The following ZNF277 variants were observed in gnomAD, a reference collection of about 807,000 sequenced individuals.
The protein encoded by ZNF277 is zinc finger protein 277, also known as nuclear receptor-interacting factor 4.
In ZNF277, 55 loss-of-function variants were observed where a neutral mutation model predicts 60.7. The observed-to-expected ratio is 0.91, with a 90% confidence interval of 0.73 to 1.13. The LOEUF is 1.13. Ranked by LOEUF, ZNF277 falls within the 50% of genes most tolerant of loss-of-function variation. The pLI is 0.00. For missense variants in ZNF277, 510 were observed against 523.0 expected (o/e 0.98, Z 0.24); for synonymous variants, 178 against 179.3 (o/e 0.99, Z 0.06).
At chr7:112,221,221 GCTGCTGGGTTCCACGGTT>G (rs1822021801) in intron 1 of ZNF277, among the ~76,000 whole-genome samples, 1 of 152,100 alleles carries the variant, frequency 6.6e-6, no homozygotes, top group African/African-American at 2.4e-5. Context: ...CTGAACACTA[GCTGCTGGGTTCCACGGTT>G]CTCTTCCATG....
intron 1 of ZNF277, among the ~76,000 whole-genome samples, chr7:112,208,696 T>A (rs1821649797): frequency 7.2e-6 from 1 of 139,704 alleles, no homozygotes; most frequent in African/African-American, 2.9e-5. Flanking sequence ...TTTTTTTTTT[T>A]TTGAGACGGA....
At chr7:112,333,061 A>C (rs1793257713) in intron 7 of ZNF277, among the ~76,000 whole-genome samples, 1 of 152,176 alleles carries the variant, frequency 6.6e-6, no homozygotes, top group Non-Finnish European at 1.5e-5. Flanking sequence ...CTCATTAAAG[A>C]ATAATATTTA....
chr7:112,339,935 C>T, intron 10 of ZNF277, 50 bp downstream of exon 10: 15 of 1,549,592 alleles, frequency 9.7e-6, no homozygotes, highest in Non-Finnish European at 1.3e-5. Flanking sequence ...TTTTTATAAA[C>T]CATCCTGTAA....
At chr7:112,246,342 C>T (rs1036094457) in intron 1 of ZNF277, among the ~76,000 whole-genome samples, 2 of 152,068 alleles carry the variant, frequency 1.3e-5, no homozygotes, top group African/African-American at 2.4e-5. Context: ...TGCAGTGAGC[C>T]GTGATCATGC....
Position 112,206,785 on chromosome 7 carries a change from A to G in ZNF277, c.69A>G (p.Thr23=). Residue 23 remains threonine, a synonymous_variant, in exon 1 of 12, where the codon ACA becomes ACG. Coordinates refer to ENST00000361822, the MANE Select transcript of ZNF277 (RefSeq NM_021994.3). Reference sequence around the variant, plus strand: ...AAGACCGTGATGGGAGCTGCAGCACAGTCGGGGGTGTAGGTTATGGGGGTG... The same window carrying G: ...AAGACCGTGATGGGAGCTGCAGCACGGTCGGGGGTGTAGGTTATGGGGGTG... ...MQEDRDGSCS[T]VGGVGYGDSK... is the part of the protein sequence containing the mutation. 1 of 1,613,336 alleles carries G rather than the reference A, an allele frequency of 6.2e-7. No individual in the cohort carries two copies. The highest frequency in any genetic ancestry group is 1.7e-5 in the Admixed American group (1 of 59,930).
chr7:112,289,607 G>A (rs1227937655), intron 2 of ZNF277, among the ~76,000 whole-genome samples: 1 of 152,184 alleles, frequency 6.6e-6, no homozygotes, highest in Non-Finnish European at 1.5e-5. Context: ...CCAGTTATAT[G>A]TGGTGAGATC....
At chr7:112,311,125 A>G (rs1474875499) in intron 4 of ZNF277, among the ~76,000 whole-genome samples, 1 of 152,032 alleles carries the variant, frequency 6.6e-6, no homozygotes, top group African/African-American at 2.4e-5. Context: ...ATAATTTTCA[A>G]CCTAACTCAC....
chr7:112,265,093 G>A (rs10270151), intron 1 of ZNF277, among the ~76,000 whole-genome samples: 3 of 152,048 alleles, frequency 2.0e-5, no homozygotes, highest in Admixed American at 1.3e-4. Flanking sequence ...TCATTTGTGC[G>A]TTCAGTGGAG....
intron 8 of ZNF277, among the ~76,000 whole-genome samples, chr7:112,336,633 C>T (rs977745075): frequency 6.6e-6 from 1 of 152,102 alleles, no homozygotes; most frequent in Non-Finnish European, 1.5e-5. Flanking sequence ...TTCTTTTCAA[C>T]CTAAAAGGAT....
chr7:112,302,338 A>G (rs1002046176), intron 4 of ZNF277, among the ~76,000 whole-genome samples: 30 of 152,202 alleles, frequency 2.0e-4, no homozygotes, highest in African/African-American at 6.5e-4. Context: ...GCCACTTTTT[A>G]AAATATAGTT....
chr7:112,327,031 G>A (rs542056704), intron 5 of ZNF277, among the ~76,000 whole-genome samples: 2 of 152,282 alleles, frequency 1.3e-5, no homozygotes, highest in East Asian at 3.9e-4. Flanking sequence ...TGTTAACTGT[G>A]GGTTCCAGGT....
intron 1 of ZNF277, among the ~76,000 whole-genome samples, chr7:112,279,486 T>C (rs1363082614): frequency 2.6e-5 from 4 of 152,232 alleles, no homozygotes; most frequent in Non-Finnish European, 4.4e-5. Context: ...GATGTTCGTA[T>C]GTCTTCTTTG....
intron 1 of ZNF277, among the ~76,000 whole-genome samples, chr7:112,282,606 C>T (rs1446854875): frequency 6.6e-6 from 1 of 152,248 alleles, no homozygotes; most frequent in Non-Finnish European, 1.5e-5. Context: ...CCTCTATCCA[C>T]TGCTATTGCT....
intron 1 of ZNF277, 44 bp downstream of exon 1, chr7:112,206,851 C>G (rs375235583): frequency 1.3e-6 from 2 of 1,588,000 alleles, no homozygotes; most frequent in Non-Finnish European, 1.7e-6. Context: ...GTCTTCCTTT[C>G]TCTATGACCG....
chr7:112,255,199 T>TAAGTTTGA (rs373029214), intron 1 of ZNF277, among the ~76,000 whole-genome samples: 15 of 152,344 alleles, frequency 9.8e-5, no homozygotes, highest in African/African-American at 3.6e-4. Flanking sequence ...TTCATTCTTT[T>TAAGTTTGA]TATGCTTAAA....
At chr7:112,331,636 C>T (rs1426744861) in intron 7 of ZNF277, among the ~76,000 whole-genome samples, 1 of 152,194 alleles carries the variant, frequency 6.6e-6, no homozygotes, top group East Asian at 1.9e-4. Flanking sequence ...AAGATTGACT[C>T]TAAGAGGTTG....
intron 5 of ZNF277, among the ~76,000 whole-genome samples, chr7:112,320,637 A>T: frequency 6.6e-6 from 1 of 152,026 alleles, no homozygotes; most frequent in East Asian, 1.9e-4. Context: ...CACACCCTTC[A>T]TTGTTTGTTT....
intron 1 of ZNF277, among the ~76,000 whole-genome samples, chr7:112,247,392 A>T (rs1227045118): frequency 6.6e-6 from 1 of 152,216 alleles, no homozygotes; most frequent in African/African-American, 2.4e-5. Flanking sequence ...AAATTTTGAG[A>T]TAGCAGATTG....
chr7:112,307,102 A>C (rs1176015813), intron 4 of ZNF277, among the ~76,000 whole-genome samples: 1 of 152,096 alleles, frequency 6.6e-6, no homozygotes, highest in Non-Finnish European at 1.5e-5. Context: ...TGGTCCCCAG[A>C]AGCAAGCTGG....
Sources: allele counts gnomAD v4.1 joint callset (sites outside exome capture counted in the v4.1 genomes callset), GRCh38; gene constraint gnomAD v4.1.1; transcripts MANE v1.5; gene names NCBI Gene and HGNC (gene_info 2026-07-23, HGNC 2026-07-21).